NRXN3: variants seen among roughly 807,000 people sequenced by gnomAD.
The protein encoded by NRXN3 is neurexin 3.
In NRXN3, 32 loss-of-function variants were observed where a neutral mutation model predicts 137.6. That is an observed-to-expected ratio of 0.23 (90% CI 0.18 to 0.31). The LOEUF (loss-of-function observed/expected upper bound fraction) is 0.31, where lower values mean the gene tolerates loss of function less well. NRXN3 is among the 10% of genes least tolerant of loss of function. The probability of loss-of-function intolerance (pLI) is 1.00; values close to 1 mark genes in which losing one functional copy is unlikely to be tolerated. For synonymous variants in NRXN3, 798 were observed against 784.5 expected, an observed-to-expected ratio of 1.02 and a Z score of -0.29; for missense variants, 1,574 against 2,062.5, an observed-to-expected ratio of 0.76 and a Z score of 4.59.
At chr14:79,140,697 G>A (rs2058710966) in intron 15 of NRXN3, among the ~76,000 whole-genome samples, 1 of 151,900 alleles carries the variant, frequency 6.6e-6, no homozygotes, top group South Asian at 2.1e-4. Context: ...GTATAAGAAG[G>A]AGGCACAAGT....
At chr14:79,558,752 A>G (rs536373759) in intron 16 of NRXN3, among the ~76,000 whole-genome samples, 103 of 152,244 alleles carry the variant, frequency 6.8e-4, no homozygotes, top group African/African-American at 2.4e-3. Context: ...TTAATCACCA[A>G]CTGCAGTAGC....
intron 20 of NRXN3, among the ~76,000 whole-genome samples, chr14:79,806,081 A>G (rs1331078205): frequency 2.0e-5 from 3 of 152,194 alleles, no homozygotes; most frequent in African/African-American, 7.2e-5. Context: ...AACAGATATC[A>G]TCGAATTTCT....
chr14:78,247,519 T>A (rs935572372), intron 2 of NRXN3, among the ~76,000 whole-genome samples: 2 of 152,238 alleles, frequency 1.3e-5, no homozygotes, highest in African/African-American at 4.8e-5. Flanking sequence ...CTGGGTGTTA[T>A]GTCTATAAAT....
chr14:79,533,245 T>C (rs910119681), intron 16 of NRXN3, among the ~76,000 whole-genome samples: 1 of 152,176 alleles, frequency 6.6e-6, no homozygotes, highest in African/African-American at 2.4e-5. Flanking sequence ...GGCTAGTTAA[T>C]GGCAGAACTC....
chr14:79,815,491 G>A (rs948184583), intron 20 of NRXN3, among the ~76,000 whole-genome samples: 3 of 152,054 alleles, frequency 2.0e-5, no homozygotes, highest in African/African-American at 7.2e-5. Context: ...AGGGGAAAAA[G>A]GCCAAGGATG....
chr14:79,814,719 A>T (rs905264284), intron 20 of NRXN3, among the ~76,000 whole-genome samples: 1 of 152,206 alleles, frequency 6.6e-6, no homozygotes, highest in Non-Finnish European at 1.5e-5. Context: ...GGAGCAGATC[A>T]ACGGAAGATG....
At chr14:79,508,803 C>T (rs1023222169) in intron 16 of NRXN3, among the ~76,000 whole-genome samples, 1 of 152,116 alleles carries the variant, frequency 6.6e-6, no homozygotes, top group African/African-American at 2.4e-5. Flanking sequence ...ATGTTTCGAC[C>T]ATGACATCCA....
chr14:78,894,953 C>A (rs1288646451), intron 10 of NRXN3, among the ~76,000 whole-genome samples: 3 of 151,184 alleles, frequency 2.0e-5, no homozygotes, highest in Non-Finnish European at 4.4e-5. Flanking sequence ...ATTCAGTAAA[C>A]CATTTTGTAA....
At chr14:78,979,048 C>T (rs976694209) in intron 14 of NRXN3, among the ~76,000 whole-genome samples, 14 of 152,084 alleles carry the variant, frequency 9.2e-5, no homozygotes, top group Admixed American at 5.9e-4. Flanking sequence ...CGAATTCCTC[C>T]TTCCTCTGCC....
intron 10 of NRXN3, among the ~76,000 whole-genome samples, chr14:78,904,779 T>A (rs1368603039): frequency 6.6e-6 from 1 of 151,994 alleles, no homozygotes; most frequent in Non-Finnish European, 1.5e-5. Flanking sequence ...TTATTTCCTC[T>A]TCTCTTTTCC....
At chr14:78,531,084 T>G (rs1264505628) in intron 4 of NRXN3, among the ~76,000 whole-genome samples, 2 of 152,194 alleles carry the variant, frequency 1.3e-5, no homozygotes, top group South Asian at 2.1e-4. Flanking sequence ...CTTTTCATAG[T>G]CTGTCTCTTT....
intron 19 of NRXN3, among the ~76,000 whole-genome samples, chr14:79,708,716 C>A (rs962335771): frequency 2.6e-5 from 4 of 152,124 alleles, no homozygotes; most frequent in African/African-American, 9.7e-5. Flanking sequence ...ACAGCCTTGC[C>A]TTTTGAAACC....
chr14:79,121,131 A>G (rs909951356), intron 15 of NRXN3, among the ~76,000 whole-genome samples: 2 of 152,240 alleles, frequency 1.3e-5, no homozygotes, highest in Non-Finnish European at 2.9e-5. Context: ...CACAATTGCT[A>G]TAGCAAATAA....
At chr14:78,474,914 T>C (rs1052741875) in intron 4 of NRXN3, among the ~76,000 whole-genome samples, 5 of 151,906 alleles carry the variant, frequency 3.3e-5, no homozygotes, top group African/African-American at 1.2e-4. Flanking sequence ...ACCTGGAGAG[T>C]GTTTAAAAGT....
intron 15 of NRXN3, among the ~76,000 whole-genome samples, chr14:79,266,988 C>A (rs2153418610): frequency 6.6e-6 from 1 of 152,272 alleles, no homozygotes. Flanking sequence ...ATGTTTTGGT[C>A]ATCACTTAAC....
At chr14:79,859,002 AG>A (rs2099408877) in intron 20 of NRXN3, among the ~76,000 whole-genome samples, 1 of 140,886 alleles carries the variant, frequency 7.1e-6, no homozygotes, top group African/African-American at 2.6e-5. Context: ...AAAAAAAAAC[AG>A]GTGTCTGCTG....
intron 4 of NRXN3, among the ~76,000 whole-genome samples, chr14:78,466,009 G>A (rs917316144): frequency 6.6e-6 from 1 of 150,862 alleles, no homozygotes; most frequent in Non-Finnish European, 1.5e-5. Flanking sequence ...CCACCACCAC[G>A]CCCGGCTAAT....
At chr14:78,685,659 CT>C (rs1307482860) in intron 6 of NRXN3, among the ~76,000 whole-genome samples, 2 of 124,400 alleles carry the variant, frequency 1.6e-5, no homozygotes, top group Non-Finnish European at 3.2e-5. Context: ...TGAGATGGAG[CT>C]TCACTCTTGT....
intron 15 of NRXN3, among the ~76,000 whole-genome samples, chr14:79,445,928 T>G (rs2096057008): frequency 6.6e-6 from 1 of 152,156 alleles, no homozygotes; most frequent in Non-Finnish European, 1.5e-5. Context: ...GGCCAGTATG[T>G]GATGACAGGT....
Sources: allele counts gnomAD v4.1 joint callset (sites outside exome capture counted in the v4.1 genomes callset), GRCh38; gene constraint gnomAD v4.1.1; transcripts MANE v1.5; gene names NCBI Gene and HGNC (gene_info 2026-07-23, HGNC 2026-07-21).